PCDHGC4: variants seen among roughly 807,000 people sequenced by gnomAD.
PCDHGC4 encodes the protein protocadherin gamma subfamily C, 4.
Under a neutral mutation model 59.7 loss-of-function variants are expected in PCDHGC4, and 15 were observed. The observed-to-expected ratio is 0.25, with a 90% confidence interval of 0.17 to 0.39. The LOEUF (loss-of-function observed/expected upper bound fraction) is 0.39. PCDHGC4 is among the 10% of genes least tolerant of loss of function. The probability of loss-of-function intolerance (pLI) is 1.00; values close to 1 mark genes in which losing one functional copy is unlikely to be tolerated. For missense variants in PCDHGC4, 1,016 were observed against 1,189.5 expected (o/e 0.85, Z 2.15); for synonymous variants, 434 against 481.4 (o/e 0.90, Z 1.29).
chr5:141,489,563 T>C lies in PCDHGC4; in HGVS notation c.2442+1948T>C, dbSNP rs2099689031. ...ACCAGCTGCCTGCTGCCAGTGCAGG[T>C]GGTGACTGAACACCCCCTGGAGCTA... On this transcript the variant is annotated intron_variant, in intron 1 of 3. Coordinates refer to ENST00000306593, the MANE Select transcript of PCDHGC4 (RefSeq NM_018928.3). The surrounding 1 kb of genome is among the most constrained non-coding windows in gnomAD (Gnocchi z 4.5). 13 of 1,614,006 alleles carry C rather than the reference T, an allele frequency of 8.1e-6. No homozygotes were observed. The highest frequency in any genetic ancestry group is 1.1e-5 in the Non-Finnish European group (13 of 1,179,976).
intron 2 of PCDHGC4, among the ~76,000 whole-genome samples, chr5:141,499,689 CTT>C (rs545067566): frequency 7.5e-5 from 9 of 119,852 alleles, no homozygotes; most frequent in African/African-American, 9.3e-5. Flanking sequence ...TAACAGATGA[CTT>C]TTTTTTTTTT....
chr5:141,486,706 C>T lies in PCDHGC4; in HGVS notation c.1533C>T (p.Asn511=). 1.2e-6 allele frequency: 2 copies of T among 1,614,154 alleles called. No homozygotes were observed. Among genetic ancestry groups the T allele is most frequent in the Admixed American group, 1.7e-5 (1 of 60,020 alleles). The change falls in exon 1 of 4, where the codon AAC becomes AAT. Residue 511 remains asparagine (N), a synonymous_variant. Transcript: ENST00000306593. This position sits in a 1 kb window ranked among gnomAD's most constrained non-coding sequence, Gnocchi z 5.0. ...CAGCTTCCTCTTTCATCTCTCTGAACCCCCAGACAGGAGCTGTTCATGCTA... is the reference window on the plus strand; with the variant it reads ...CAGCTTCCTCTTTCATCTCTCTGAATCCCCAGACAGGAGCTGTTCATGCTA... ...DVSASSFISL[N]PQTGAVHATR... is the part of the protein sequence containing the mutation.
At chr5:141,509,551 C>T (rs2099877337) in intron 3 of PCDHGC4, among the ~76,000 whole-genome samples, 1 of 152,164 alleles carries the variant, frequency 6.6e-6, no homozygotes, top group South Asian at 2.1e-4. Context: ...CTCATTTAGT[C>T]CTCACAGCAG....
chr5:141,487,661 C>A lies in PCDHGC4; in HGVS notation c.2442+46C>A. ...ACAAATGCTTGAGGGTTATTCTGATCCAGGCATATGGCTAGGCCATGTCCT... is the reference window on the plus strand; with the variant it reads ...ACAAATGCTTGAGGGTTATTCTGATACAGGCATATGGCTAGGCCATGTCCT... On this transcript the variant is annotated intron_variant, in intron 1 of 3. Transcript: ENST00000306593. This position sits in a 1 kb window ranked among gnomAD's most constrained non-coding sequence, Gnocchi z 5.0. The A allele has an allele frequency of 6.2e-7, 1 of 1,613,366 alleles. No homozygotes were observed. Among genetic ancestry groups the A allele is most frequent in the Non-Finnish European group, 8.5e-7 (1 of 1,179,646 alleles).
In PCDHGC4 at chr5:141,511,445, A is replaced by G; in HGVS notation, c.*272A>G. ...GGTAGTGGGGTTACTGTAGACACCA[A>G]GAACCATTTGCCACACCCCGTTTAG... On this transcript the variant is annotated 3_prime_UTR_variant, in exon 4 of 4. Coordinates refer to ENST00000306593, the MANE Select transcript of PCDHGC4 (RefSeq NM_018928.3). 4.5e-6 allele frequency: 3 copies of G among 659,774 alleles called. No individual in the cohort carries two copies. Among genetic ancestry groups the G allele is most frequent in the Non-Finnish European group, 4.9e-6 (2 of 412,228 alleles). 40.9% of individuals were successfully genotyped at this position (659,774 alleles called of 1,614,324 possible). A position where few individuals can be genotyped will look rare whatever the true frequency, so the allele number is the denominator to read the frequency against.
At position 141,487,198 on chromosome 5, in the gene PCDHGC4, T is replaced by A; in HGVS notation, c.2025T>A (p.Asp675Glu). The A allele has an allele frequency of 1.2e-6, 2 of 1,613,854 alleles. No individual in the cohort carries two copies. The highest frequency in any genetic ancestry group is 1.7e-6 in the Non-Finnish European group (2 of 1,179,722). ...LEEDTHPVVP[D>E]LRESSAPREG... ...AAGACACTCATCCAGTTGTCCCAGATCTTCGAGAATCTTCAGCTCCAAGGG... is the reference window on the plus strand; with the variant it reads ...AAGACACTCATCCAGTTGTCCCAGAACTTCGAGAATCTTCAGCTCCAAGGG... The change falls in exon 1 of 4, where the codon GAT (aspartate) becomes GAA (glutamate). Residue 675 changes from aspartate (D) to glutamate (E), a missense_variant. Physicochemically the swap from Asp to Glu is conservative, Grantham distance 45. Transcript: ENST00000306593. The surrounding 1 kb of genome is among the most constrained non-coding windows in gnomAD (Gnocchi z 5.0).
At position 141,494,838 on chromosome 5, in the gene PCDHGC4, C is replaced by T; in HGVS notation, c.2474C>T (p.Ser825Phe). 4.3e-6 allele frequency: 7 copies of T among 1,614,166 alleles called. No homozygotes were observed. Among genetic ancestry groups the T allele is most frequent in the Non-Finnish European group, 3.4e-6 (4 of 1,180,032 alleles). Residue 825 changes from serine (S) to phenylalanine (F), a missense_variant, in exon 2 of 4, where the codon TCT becomes TTT. By Grantham distance (155) the Ser-to-Phe change is radical. Transcript: ENST00000306593. ...CCGCCCAACACGGACTGGCGTTTCT[C>T]TCAGGCCCAGAGACCCGGCACCAGC... ...QAPPNTDWRF[S>F]QAQRPGTSGS...
In PCDHGC4 at chr5:141,490,004, CA is replaced by C; in HGVS notation, c.2442+2390del. 1 of 1,614,174 alleles carries C rather than the reference CA, an allele frequency of 6.2e-7. No individual in the cohort carries two copies. Among genetic ancestry groups the C allele is most frequent in the Admixed American group, 1.7e-5 (1 of 60,034 alleles). ...CTACGTGTGGGAATCCCAGAGAATG[CA>C]CCCATTGGTACTCTGCTGCTCCGCC... On this transcript the variant is annotated intron_variant, in intron 1 of 3. Transcript: ENST00000306593. This position sits in a 1 kb window ranked among gnomAD's most constrained non-coding sequence, Gnocchi z 5.4.
chr5:141,504,836 C>A (rs550489904), intron 2 of PCDHGC4, among the ~76,000 whole-genome samples: 2 of 152,200 alleles, frequency 1.3e-5, no homozygotes, highest in East Asian at 3.9e-4. Context: ...TTTTCTCTAG[C>A]TCTGGAACAT....
In PCDHGC4 at chr5:141,488,566, A is replaced by T. The variant is rs1354931497; in HGVS notation, c.2442+951A>T. On this transcript the variant is annotated intron_variant, in intron 1 of 3. Coordinates refer to ENST00000306593, the MANE Select transcript of PCDHGC4 (RefSeq NM_018928.3). ...TGTCAGCTGACATTGAGATTTCCGC[A>T]AAGCATTGCTGGAGAGTCAGGGCAA... 5.9e-5 allele frequency among the ~76,000 whole-genome samples: 9 copies of T among 152,324 alleles called. No individual in the cohort carries two copies. In the East Asian group the frequency reaches 1.5e-3, roughly 26 times the overall value.
At chr5:141,502,309 T>G (rs1395136136) in intron 2 of PCDHGC4, among the ~76,000 whole-genome samples, 2 of 152,196 alleles carry the variant, frequency 1.3e-5, no homozygotes, top group Admixed American at 6.5e-5. Flanking sequence ...TTTCCTCTCC[T>G]TTAATCTGGA....
At chr5:141,494,729 C>A in intron 1 of PCDHGC4, 78 bp from the exon 2 acceptor site, 1 of 1,610,166 alleles carries the variant, frequency 6.2e-7, no homozygotes. Context: ...CCTTCTCTCC[C>A]GGCCCATCCC....
rs1562131721 is a variant in PCDHGC4, at chr5:141,489,636, C to CGAGA, written c.2442+2021_2442+2022insGAGA. 10 of 1,614,074 alleles carry CGAGA rather than the reference C, an allele frequency of 6.2e-6. No individual in the cohort carries two copies. The highest frequency in any genetic ancestry group is 2.7e-5 in the African/African-American group (2 of 74,930). On this transcript the variant is annotated intron_variant, in intron 1 of 3. Coordinates refer to ENST00000306593, the MANE Select transcript of PCDHGC4 (RefSeq NM_018928.3). This position sits in a 1 kb window ranked among gnomAD's most constrained non-coding sequence, Gnocchi z 4.5. ...TGGATCTCAATGACAACTCTCCTAG[C>CGAGA]TTTGCCACCCCTGAGCGAGAGATGC...
Position 141,512,040 on chromosome 5 carries a change from A to G in PCDHGC4, c.*867A>G, listed in dbSNP as rs775766584. 1.3e-5 allele frequency: 2 copies of G among 152,838 alleles called. No homozygotes were observed. The highest frequency in any genetic ancestry group is 2.9e-5 in the Non-Finnish European group (2 of 68,198). 9.5% of individuals were successfully genotyped at this position (152,838 alleles called of 1,614,324 possible). A position where few individuals can be genotyped will look rare whatever the true frequency, so the allele number is the denominator to read the frequency against. ...ATCAAGGCCTTGGAGGAGGCTCTGT[A>G]TGTCCTCAGGGGACTGACAACATCC... On this transcript the variant is annotated 3_prime_UTR_variant, in exon 4 of 4. Coordinates refer to ENST00000306593, the MANE Select transcript of PCDHGC4 (RefSeq NM_018928.3).
intron 1 of PCDHGC4, chr5:141,492,003 T>G: frequency 1.6e-6 from 1 of 626,972 alleles, no homozygotes; most frequent in Non-Finnish European, 2.6e-6. Context: ...TCGGGCGATT[T>G]CCGCGGGTGT....
At chr5:141,498,520 A>T (rs1178141390) in intron 2 of PCDHGC4, among the ~76,000 whole-genome samples, 1 of 149,264 alleles carries the variant, frequency 6.7e-6, no homozygotes, top group Non-Finnish European at 1.5e-5. Flanking sequence ...CATCTTGCCC[A>T]CTGCCCTCCA....
chr5:141,510,833 C>G, intron 3 of PCDHGC4, 114 bp from the exon 4 acceptor site: 2 of 1,577,796 alleles, frequency 1.3e-6, no homozygotes, highest in Admixed American at 1.7e-5. Context: ...CAGTGCTCAG[C>G]GTGGTCAAGG....
chr5:141,485,242 C>A lies in PCDHGC4; in HGVS notation c.69C>A (p.His23Gln), dbSNP rs747029550. ...RWATLLFLFY[H>Q]LGYVCGQIRY... is the part of the protein sequence containing the mutation. ...CTACCCTTTTGTTCCTCTTTTACCA[C>A]CTGGGTTACGTTTGTGGGCAGATCC... Residue 23 changes from histidine (H) to glutamine (Q), a missense_variant, in exon 1 of 4, where the codon CAC becomes CAA. Physicochemically the swap from His to Gln is conservative, Grantham distance 24 (BLOSUM62 0). Transcript: ENST00000306593. This position sits in a 1 kb window ranked among gnomAD's most constrained non-coding sequence, Gnocchi z 5.7. 7.4e-5 allele frequency: 119 copies of A among 1,614,054 alleles called. No individual in the cohort carries two copies. The highest frequency in any genetic ancestry group is 3.3e-4 in the Middle Eastern group (2 of 6,084).
At chr5:141,502,866 C>CTTTTTTTTTTTTTTTT (rs549047197) in intron 2 of PCDHGC4, among the ~76,000 whole-genome samples, 4 of 128,044 alleles carry the variant, frequency 3.1e-5, no homozygotes, top group African/African-American at 3.1e-5. Context: ...GACTCTCTGT[C>CTTTTTTTTTTTTTTTT]TTTTTTTTTT....
Sources: gnomAD v4.1 joint callset for allele counts (sites outside exome capture counted in the v4.1 genomes callset) on GRCh38, gnomAD v4.1.1 for gene constraint, Gnocchi (gnomAD v3.1) non-coding constraint, MANE v1.5 for transcripts, NCBI Gene and HGNC (gene_info 2026-07-23, HGNC 2026-07-21) for gene names.